The following HIVEP3 variants were observed in gnomAD, a reference collection of about 807,000 sequenced individuals.
HIVEP3 encodes HIVEP zinc finger 3, also known as transcription factor HIVEP3.
Under a neutral mutation model 152.8 loss-of-function variants are expected in HIVEP3, and 49 were observed. That is an observed-to-expected ratio of 0.32 (90% CI 0.26 to 0.41). The LOEUF (loss-of-function observed/expected upper bound fraction) is 0.41. Among genes scored for constraint, HIVEP3 ranks in the 10% least tolerant of loss-of-function variants. HIVEP3 has a pLI of 1.00. For missense variants in HIVEP3, 2,790 were observed against 3,103.3 expected (o/e 0.90, Z 2.40); for synonymous variants, 1,269 against 1,289.0 (o/e 0.98, Z 0.33).
At chr1:41,981,668 G>A (rs1213940611) in intron 1 of HIVEP3, among the ~76,000 whole-genome samples, 1 of 152,218 alleles carries the variant, frequency 6.6e-6, no homozygotes, top group Non-Finnish European at 1.5e-5. Context: ...GGGTTGATAA[G>A]AGAAGGTAAG....
intron 1 of HIVEP3, among the ~76,000 whole-genome samples, chr1:41,770,175 A>G (rs1206793977): frequency 4.0e-5 from 6 of 151,844 alleles, no homozygotes; most frequent in Admixed American, 2.0e-4. Context: ...GGGTTTCACC[A>G]TGTTAGCCAG....
At chr1:41,726,120 A>C (rs1381536420) in intron 1 of HIVEP3, among the ~76,000 whole-genome samples, 1 of 152,214 alleles carries the variant, frequency 6.6e-6, no homozygotes, top group Non-Finnish European at 1.5e-5. Context: ...CTAAATATTA[A>C]TTTTGATGAG....
chr1:41,633,142 G>A (rs1645220057), intron 2 of HIVEP3, among the ~76,000 whole-genome samples: 1 of 152,068 alleles, frequency 6.6e-6, no homozygotes, highest in East Asian at 1.9e-4. Context: ...CACCAGAAAA[G>A]GTCACACACA....
intron 2 of HIVEP3, among the ~76,000 whole-genome samples, chr1:41,639,094 T>C (rs889282014): frequency 2.0e-5 from 3 of 152,198 alleles, no homozygotes; most frequent in Admixed American, 6.5e-5. Context: ...ACATGGAAAG[T>C]CAAATTTGAT....
intron 1 of HIVEP3, among the ~76,000 whole-genome samples, chr1:41,741,697 C>T (rs895722709): frequency 1.3e-5 from 2 of 152,292 alleles, no homozygotes; most frequent in South Asian, 2.1e-4. Context: ...CATGGGGCGT[C>T]GGGATGAGAA....
At chr1:41,633,742 T>C (rs1645229730) in intron 2 of HIVEP3, among the ~76,000 whole-genome samples, 1 of 152,090 alleles carries the variant, frequency 6.6e-6, no homozygotes, top group Non-Finnish European at 1.5e-5. Context: ...TACACAACCC[T>C]AACCAAGCCC....
In HIVEP3 at chr1:41,584,041, C is replaced by G; in HGVS notation, c.757G>C (p.Gly253Arg). Reference protein sequence around the residue: ...AHRIKAGLASGMGGEMYPHGL... With the variant: ...AHRIKAGLASRMGGEMYPHGL... The stretch of plus-strand genomic sequence containing the variant: ...TGTGGGTACATCTCGCCACCCATGC[C>G]TGAGGCCAGGCCTGCTTTGATGCGG... Residue 253 changes from glycine to arginine, a missense_variant, in exon 4 of 9, where the codon GGC becomes CGC. Transcript: ENST00000372583. This position sits in a 1 kb window ranked among gnomAD's most constrained non-coding sequence, Gnocchi z 5.2. 1 of 1,614,210 alleles carries G rather than the reference C, an allele frequency of 6.2e-7. No individual in the cohort carries two copies. The highest frequency in any genetic ancestry group is 1.1e-5 in the South Asian group (1 of 91,086).
At chr1:41,897,963 GA>G (rs1644559893) in intron 1 of HIVEP3, among the ~76,000 whole-genome samples, 1 of 150,876 alleles carries the variant, frequency 6.6e-6, no homozygotes, top group Non-Finnish European at 1.5e-5. Context: ...GAGAGAGAGA[GA>G]GAGAGAGAGA....
chr1:41,890,836 C>T (rs559761187), intron 1 of HIVEP3, among the ~76,000 whole-genome samples: 1 of 152,316 alleles, frequency 6.6e-6, no homozygotes, highest in South Asian at 2.1e-4. Context: ...GGGCAAGCTT[C>T]CTTATATAAC....
intron 1 of HIVEP3, among the ~76,000 whole-genome samples, chr1:41,753,239 G>GT (rs1015222584): frequency 6.6e-6 from 1 of 152,158 alleles, no homozygotes; most frequent in Non-Finnish European, 1.5e-5. Flanking sequence ...TGTCAAAAGT[G>GT]TTTTTTTAAT....
intron 1 of HIVEP3, among the ~76,000 whole-genome samples, chr1:41,838,571 G>A (rs921763275): frequency 2.0e-5 from 3 of 152,044 alleles, no homozygotes; most frequent in African/African-American, 7.2e-5. Flanking sequence ...TGATTTTTTA[G>A]GACCTGCTTT....
chr1:41,604,207 C>T (rs1644785402), intron 3 of HIVEP3, among the ~76,000 whole-genome samples: 1 of 152,002 alleles, frequency 6.6e-6, no homozygotes, highest in Non-Finnish European at 1.5e-5. Flanking sequence ...GTATGTCCTC[C>T]AAAAAACACA....
chr1:41,845,308 T>A (rs1454435190), intron 1 of HIVEP3, among the ~76,000 whole-genome samples: 3 of 152,040 alleles, frequency 2.0e-5, no homozygotes, highest in Non-Finnish European at 4.4e-5. Flanking sequence ...GTCTGACACA[T>A]AATAGGTGCT....
rs1460213507 is a variant in HIVEP3 at position 41,508,234 on chromosome 1, A to G, written c.*2217T>C. Reference sequence around the variant, plus strand: ...GAAGAGCTTGCCCAGGCAGATTTCTAACCTGGGCTGAAGCAATGCCCTTTA... The same window carrying G: ...GAAGAGCTTGCCCAGGCAGATTTCTGACCTGGGCTGAAGCAATGCCCTTTA... On this transcript the variant is annotated 3_prime_UTR_variant, in exon 9 of 9. Coordinates refer to ENST00000372583, the MANE Select transcript of HIVEP3 (RefSeq NM_024503.5). The G allele has an allele frequency of 6.6e-6, 1 of 152,228 alleles. No homozygotes were observed. Among genetic ancestry groups the G allele is most frequent in the Non-Finnish European group, 1.5e-5 (1 of 68,072 alleles). The allele number at this position is 152,228 out of a possible 1,614,324, so 9.4% of individuals were successfully genotyped here. A position where few individuals can be genotyped will look rare whatever the true frequency, so the allele number is the denominator to read the frequency against.
chr1:42,031,389 C>T (rs1645612044), intron 1 of HIVEP3, among the ~76,000 whole-genome samples: 2 of 152,104 alleles, frequency 1.3e-5, no homozygotes, highest in African/African-American at 4.8e-5. Flanking sequence ...GTATTTTCTT[C>T]TTCTTCCCTT....
intron 1 of HIVEP3, among the ~76,000 whole-genome samples, chr1:41,782,952 C>T (rs931173388): frequency 2.0e-5 from 3 of 152,096 alleles, no homozygotes; most frequent in African/African-American, 7.2e-5. Flanking sequence ...CACTCCCTGT[C>T]AATGTCACTC....
intron 3 of HIVEP3, among the ~76,000 whole-genome samples, chr1:41,610,763 A>G (rs1644885800): frequency 6.6e-6 from 1 of 152,016 alleles, no homozygotes; most frequent in Non-Finnish European, 1.5e-5. Flanking sequence ...AGGCATTCGC[A>G]CTCTAGGTCC....
chr1:41,680,724 C>T (rs12563791), intron 2 of HIVEP3, among the ~76,000 whole-genome samples: 16 of 152,172 alleles, frequency 1.1e-4, no homozygotes, highest in East Asian at 1.9e-4. Flanking sequence ...GCAGCTCTGG[C>T]GATCTGCCGC....
intron 7 of HIVEP3, among the ~76,000 whole-genome samples, chr1:41,514,876 G>A (rs1372709257): frequency 6.6e-6 from 1 of 152,238 alleles, no homozygotes; most frequent in Non-Finnish European, 1.5e-5. Flanking sequence ...GAGTCTAAAA[G>A]TGGGGGTTAG....
Sources: gnomAD v4.1 joint callset for allele counts (sites outside exome capture counted in the v4.1 genomes callset) on GRCh38, gnomAD v4.1.1 for gene constraint, Gnocchi (gnomAD v3.1) non-coding constraint, MANE v1.5 for transcripts, NCBI Gene and HGNC (gene_info 2026-07-23, HGNC 2026-07-21) for gene names.